LMNTD1: variants seen among roughly 807,000 people sequenced by gnomAD.
LMNTD1 encodes lamin tail domain-containing protein 1.
In LMNTD1, 35 loss-of-function variants were observed where a neutral mutation model predicts 50.9. The ratio of observed to expected loss-of-function variants is 0.69; its 90% CI spans 0.53 to 0.91. LMNTD1 has a LOEUF of 0.91. Ranked by LOEUF, LMNTD1 falls within the 40% of genes least tolerant of loss-of-function variation. The probability of loss-of-function intolerance (pLI) is 0.00; values close to 1 mark genes in which losing one functional copy is unlikely to be tolerated. For synonymous variants in LMNTD1, 153 were observed against 161.9 expected (o/e 0.94, Z 0.42); for missense variants, 470 against 475.5 (o/e 0.99, Z 0.11).
intron 1 of LMNTD1, among the ~76,000 whole-genome samples, chr12:25,583,484 A>G (rs1359241907): frequency 6.6e-6 from 1 of 152,110 alleles, no homozygotes; most frequent in Non-Finnish European, 1.5e-5. Flanking sequence ...TTTAGACAAT[A>G]TAGGAACACA....
intron 8 of LMNTD1, among the ~76,000 whole-genome samples, chr12:25,516,696 C>G (rs1300224611): frequency 1.3e-5 from 2 of 151,956 alleles, no homozygotes; most frequent in African/African-American, 4.8e-5. Context: ...ACATGGTACA[C>G]AATTTTATGA....
In LMNTD1 at chr12:25,553,064, C is replaced by T. The variant is rs774486854; in HGVS notation, c.-31+5G>A. On this transcript the variant is annotated splice_donor_5th_base_variant and intron_variant, in intron 1 of 9. Transcript: ENST00000458174. ...GGCAGATTTTTCTTTTCAAAGTGAC[C>T]TCACCTGTTAATCCAACTACCTTCA... 1.2e-6 allele frequency: 2 copies of T among 1,612,592 alleles called. No individual in the cohort carries two copies. Among genetic ancestry groups the T allele is most frequent in the Non-Finnish European group, 1.7e-6 (2 of 1,178,704 alleles).
At chr12:25,625,847 C>T (rs1192078308) in intron 1 of LMNTD1, among the ~76,000 whole-genome samples, 1 of 152,174 alleles carries the variant, frequency 6.6e-6, no homozygotes, top group Admixed American at 6.5e-5. Flanking sequence ...CTGCCTCCCA[C>T]TGTGGTGGCC....
At chr12:25,536,273 T>C (rs1942575376) in intron 4 of LMNTD1, among the ~76,000 whole-genome samples, 1 of 152,200 alleles carries the variant, frequency 6.6e-6, no homozygotes, top group South Asian at 2.1e-4. Context: ...AGAATACATA[T>C]TCTTTTCAAG....
chr12:25,616,744 G>A (rs757718140), intron 1 of LMNTD1, among the ~76,000 whole-genome samples: 5 of 151,582 alleles, frequency 3.3e-5, no homozygotes, highest in Admixed American at 6.6e-5. Flanking sequence ...AAAAGGCCAC[G>A]TATGTTATGA....
chr12:25,554,972 A>G (rs1943976077), upstream of LMNTD1, among the ~76,000 whole-genome samples: 1 of 152,010 alleles, frequency 6.6e-6, no homozygotes, highest in Admixed American at 6.5e-5. Context: ...AGGCTAAGGC[A>G]GGAGAATCGC....
intron 1 of LMNTD1, among the ~76,000 whole-genome samples, chr12:25,571,379 T>TTTATTTATTTA (rs1565490526): frequency 2.7e-5 from 3 of 110,810 alleles, no homozygotes; most frequent in East Asian, 8.8e-4. Flanking sequence ...TTATTTATTT[T>TTTATTTATTTA]TTGAGACGGA....
chr12:25,610,865 G>T (rs867752281), intron 1 of LMNTD1, among the ~76,000 whole-genome samples: 4 of 152,166 alleles, frequency 2.6e-5, no homozygotes, highest in South Asian at 2.1e-4. Flanking sequence ...TGTTGGGTTT[G>T]GTTTGGGCAT....
At chr12:25,645,644 C>A (rs373458318) in intron 1 of LMNTD1, among the ~76,000 whole-genome samples, 1 of 152,106 alleles carries the variant, frequency 6.6e-6, no homozygotes, top group Non-Finnish European at 1.5e-5. Context: ...TAGATCTGAG[C>A]GATACAGCAA....
At chr12:25,552,786 T>G (rs1433018819) in intron 2 of LMNTD1, 85 bp downstream of exon 2, 1 of 805,166 alleles carries the variant, frequency 1.2e-6, no homozygotes, top group East Asian at 2.7e-5. Context: ...ATAAGAGTAT[T>G]GAAACAAAAG....
In LMNTD1 at chr12:25,520,016, G is replaced by A. The variant is rs773729167; in HGVS notation, c.858C>T (p.Asp286=). ...WKQAWEKLDA[D]VEFNRCSVVS... is the part of the protein sequence containing the mutation. ...CTACTGAACATCTGTTAAATTCAAC[G>A]TCAGCATCTAATTTTTCCCACGCTT... is the stretch of plus-strand genomic sequence containing the variant. The change falls in exon 7 of 10, where the codon GAC becomes GAT. Residue 286 remains aspartate, a synonymous_variant. Transcript: ENST00000458174. 27 of 1,613,396 alleles carry A rather than the reference G, an allele frequency of 1.7e-5. No individual in the cohort carries two copies. The highest frequency in any genetic ancestry group is 3.3e-5 in the Admixed American group (2 of 59,952).
intron 9 of LMNTD1, among the ~76,000 whole-genome samples, chr12:25,483,537 C>T (rs903215663): frequency 2.6e-5 from 4 of 151,756 alleles, no homozygotes; most frequent in South Asian, 2.1e-4. Context: ...TTTGGGAGGC[C>T]GAGGTGGGTG....
chr12:25,640,752 T>C (rs964031852), intron 1 of LMNTD1, among the ~76,000 whole-genome samples: 3 of 151,746 alleles, frequency 2.0e-5, no homozygotes, highest in African/African-American at 7.3e-5. Context: ...AAGCTCCACC[T>C]CCCGGGTTCA....
At chr12:25,609,014 T>G (rs1740372647) in intron 1 of LMNTD1, among the ~76,000 whole-genome samples, 1 of 152,242 alleles carries the variant, frequency 6.6e-6, no homozygotes, top group African/African-American at 2.4e-5. Context: ...GAGGCTTTGT[T>G]CATTTCTTTT....
At chr12:25,599,778 G>A (rs968752368) in intron 1 of LMNTD1, among the ~76,000 whole-genome samples, 7 of 151,618 alleles carry the variant, frequency 4.6e-5, no homozygotes, top group African/African-American at 7.3e-5. Context: ...ACTATGAAAC[G>A]CTGACGAAAG....
At chr12:25,586,193 TG>T (rs1407726113) in intron 1 of LMNTD1, 5 of 152,130 alleles carry the variant, frequency 3.3e-5, no homozygotes, top group Admixed American at 6.5e-5. Flanking sequence ...TTTTAATATT[TG>T]TTTTTTTTTC....
intron 1 of LMNTD1, among the ~76,000 whole-genome samples, chr12:25,580,855 T>G (rs956603347): frequency 4.3e-4 from 66 of 152,210 alleles, no homozygotes; most frequent in Non-Finnish European, 7.3e-5. Flanking sequence ...TATGAGACTT[T>G]GGTAAGCTGT....
rs1451007309 is a variant in LMNTD1, at chr12:25,553,160, A to T, written c.-122T>A. ...ACCACAATTCTCATGAGGATATGTAAGTACCAACATAGCCAATCCTGATCT... is the reference window on the plus strand; with the variant it reads ...ACCACAATTCTCATGAGGATATGTATGTACCAACATAGCCAATCCTGATCT... On this transcript the variant is annotated 5_prime_UTR_variant, in exon 1 of 10. Transcript: ENST00000458174. The T allele has an allele frequency of 6.2e-7, 1 of 1,608,166 alleles. No homozygotes were observed. Among genetic ancestry groups the T allele is most frequent in the African/African-American group, 1.3e-5 (1 of 74,782 alleles).
At chr12:25,612,069 A>G (rs1946256741) in intron 1 of LMNTD1, among the ~76,000 whole-genome samples, 1 of 152,146 alleles carries the variant, frequency 6.6e-6, no homozygotes, top group Non-Finnish European at 1.5e-5. Context: ...ACATAATTGT[A>G]CCTATTCAAA....
Sources: gnomAD v4.1 joint callset for allele counts (sites outside exome capture counted in the v4.1 genomes callset) on GRCh38, gnomAD v4.1.1 for gene constraint, MANE v1.5 for transcripts, NCBI Gene and HGNC (gene_info 2026-07-23, HGNC 2026-07-21) for gene names.